Variants in CNTNAP2 observed in about 807,000 individuals in gnomAD.
CNTNAP2 encodes the protein contactin-associated protein-like 2.
Under a neutral mutation model 155.2 loss-of-function variants are expected in CNTNAP2, and 98 were observed. The ratio of observed to expected loss-of-function variants is 0.63; its 90% CI spans 0.54 to 0.75. The LOEUF (loss-of-function observed/expected upper bound fraction) is 0.75, where lower values mean the gene tolerates loss of function less well. CNTNAP2 is among the 30% of genes least tolerant of loss of function. The pLI is 0.00. For synonymous variants in CNTNAP2, 651 were observed against 631.2 expected, an observed-to-expected ratio of 1.03 and a Z score of -0.47; for missense variants, 1,727 against 1,688.1, an observed-to-expected ratio of 1.02 and a Z score of -0.40.
intron 1 of CNTNAP2, among the ~76,000 whole-genome samples, chr7:146,216,973 CCA>C (rs1182745945): frequency 3.9e-5 from 6 of 152,180 alleles, no homozygotes; most frequent in Admixed American, 2.6e-4. Flanking sequence ...TTATGCGCTT[CCA>C]CAGTTTTGAT....
intron 13 of CNTNAP2, among the ~76,000 whole-genome samples, chr7:147,701,545 A>G (rs746690340): frequency 6.6e-6 from 1 of 152,190 alleles, no homozygotes; most frequent in Non-Finnish European, 1.5e-5. Context: ...TACTGTGAAG[A>G]TCAGGCGAGA....
rs531893318 is a variant in CNTNAP2, at chr7:147,509,813, C to T, written c.1777+23772C>T. On this transcript the variant is annotated intron_variant, in intron 11 of 23. Coordinates refer to ENST00000361727, the MANE Select transcript of CNTNAP2 (RefSeq NM_014141.6). ...GGAATGTGCTCAGAGGTTTTCTCTG[C>T]AGATTGTTTCATCTGGCAGTTAATT... is the stretch of plus-strand genomic sequence containing the variant. Among the ~76,000 whole-genome samples the T allele has an allele frequency of 3.3e-5, 5 of 152,122 alleles. No homozygotes were observed. The South Asian group carries it at 1.0e-3, about 32-fold the overall frequency.
At chr7:147,098,840 C>T (rs1472284642) in intron 4 of CNTNAP2, among the ~76,000 whole-genome samples, 1 of 152,170 alleles carries the variant, frequency 6.6e-6, no homozygotes, top group East Asian at 1.9e-4. Context: ...AACCAGCCAG[C>T]ATCACACATT....
At chr7:146,302,622 G>A (rs950884442) in intron 1 of CNTNAP2, among the ~76,000 whole-genome samples, 2 of 152,092 alleles carry the variant, frequency 1.3e-5, no homozygotes, top group Non-Finnish European at 2.9e-5. Context: ...GATATGAAAA[G>A]ACAGTTCAAC....
At chr7:146,510,701 T>G (rs1055227314) in intron 1 of CNTNAP2, among the ~76,000 whole-genome samples, 1 of 151,806 alleles carries the variant, frequency 6.6e-6, no homozygotes, top group African/African-American at 2.4e-5. Context: ...CTTCACTTTT[T>G]TGTTTATATT....
At chr7:147,620,772 TAAGA>T in intron 12 of CNTNAP2, among the ~76,000 whole-genome samples, 1 of 151,948 alleles carries the variant, frequency 6.6e-6, no homozygotes, top group Admixed American at 6.6e-5. Context: ...AAGGGAAATC[TAAGA>T]GTTATTGGCC....
At chr7:147,514,953 A>C (rs75382356) in intron 11 of CNTNAP2, among the ~76,000 whole-genome samples, 1 of 152,172 alleles carries the variant, frequency 6.6e-6, no homozygotes, top group Non-Finnish European at 1.5e-5. Flanking sequence ...TAAAATATGC[A>C]TTCTGGTCAT....
At chr7:148,354,394 T>C (rs948423480) in intron 21 of CNTNAP2, among the ~76,000 whole-genome samples, 9 of 152,154 alleles carry the variant, frequency 5.9e-5, no homozygotes, top group South Asian at 2.1e-4. Context: ...TCTAATTCCA[T>C]TGGGATTTGG....
intron 13 of CNTNAP2, among the ~76,000 whole-genome samples, chr7:147,802,195 T>C (rs1261197947): frequency 7.6e-5 from 9 of 117,888 alleles, no homozygotes; most frequent in Non-Finnish European, 1.2e-4. Context: ...GGGGCAGAGG[T>C]GCTCCCCACA....
intron 10 of CNTNAP2, among the ~76,000 whole-genome samples, chr7:147,400,574 T>C (rs867139886): frequency 6.6e-6 from 1 of 152,178 alleles, no homozygotes; most frequent in African/African-American, 2.4e-5. Context: ...GTGGTTTCTG[T>C]TTCAGTCCTA....
At chr7:146,587,033 A>T (rs115445771) in intron 1 of CNTNAP2, among the ~76,000 whole-genome samples, 4 of 148,458 alleles carry the variant, frequency 2.7e-5, no homozygotes, top group East Asian at 2.0e-4. Flanking sequence ...GCATTGTTTT[A>T]TTTTTTTTTT....
chr7:146,351,770 C>T (rs1215815538), intron 1 of CNTNAP2, among the ~76,000 whole-genome samples: 1 of 152,176 alleles, frequency 6.6e-6, no homozygotes, highest in Non-Finnish European at 1.5e-5. Flanking sequence ...TTCTTCTAAA[C>T]TTTATTGCTG....
At chr7:146,405,899 G>T (rs777087300) in intron 1 of CNTNAP2, among the ~76,000 whole-genome samples, 1 of 152,154 alleles carries the variant, frequency 6.6e-6, no homozygotes, top group Admixed American at 6.5e-5. Flanking sequence ...ACCTTCTTTT[G>T]TCACGATGAC....
At chr7:148,322,944 C>CA (rs1449875051) in intron 21 of CNTNAP2, among the ~76,000 whole-genome samples, 1 of 151,978 alleles carries the variant, frequency 6.6e-6, no homozygotes, top group Non-Finnish European at 1.5e-5. Flanking sequence ...GAAATCGCCC[C>CA]AAAAATGTGC....
Position 147,197,543 on chromosome 7 carries a change from T to C in CNTNAP2, c.1348+65034T>C, listed in dbSNP as rs73473023. On this transcript the variant is annotated intron_variant, in intron 8 of 23. Transcript: ENST00000361727. Reference sequence around the variant, plus strand: ...AATATAAATAATAGGAGATCTCTCTTGCCGGAAAAAAGGGGAAGCAATAGG... The same window carrying C: ...AATATAAATAATAGGAGATCTCTCTCGCCGGAAAAAAGGGGAAGCAATAGG... Among the ~76,000 whole-genome samples, 1,338 of 152,160 alleles carry C rather than the reference T, an allele frequency of 8.8e-3. 19 individuals carry two copies. Among genetic ancestry groups the C allele is most frequent in the African/African-American group, 0.031 (1,287 of 41,500 alleles).
chr7:146,537,846 T>C lies in CNTNAP2; in HGVS notation c.98-236425T>C, dbSNP rs941492953. On this transcript the variant is annotated intron_variant, in intron 1 of 23. Transcript: ENST00000361727. ...GGGGGATATTAGCAGCAGATGACAC[T>C]GGGGAGAGAGCAGGCATAGAGGTAG... is the stretch of plus-strand genomic sequence containing the variant. Among the ~76,000 whole-genome samples, 7 of 152,054 alleles carry C rather than the reference T, an allele frequency of 4.6e-5. 1 individual carries two copies. Among genetic ancestry groups the C allele is most frequent in the African/African-American group, 1.7e-4 (7 of 41,490 alleles).
chr7:146,329,243 A>G (rs1216906827), intron 1 of CNTNAP2, among the ~76,000 whole-genome samples: 1 of 152,196 alleles, frequency 6.6e-6, no homozygotes, highest in East Asian at 1.9e-4. Flanking sequence ...CTGATGATTA[A>G]TAACAAGACA....
chr7:147,135,984 G>A (rs1801469744), intron 8 of CNTNAP2, among the ~76,000 whole-genome samples: 1 of 151,026 alleles, frequency 6.6e-6, no homozygotes, highest in South Asian at 2.1e-4. Context: ...ATATTATAAT[G>A]GTAGTAAAAA....
chr7:148,089,761 T>A (rs964244621), intron 15 of CNTNAP2, among the ~76,000 whole-genome samples: 1 of 151,690 alleles, frequency 6.6e-6, no homozygotes, highest in Non-Finnish European at 1.5e-5. Flanking sequence ...TCCAATAACA[T>A]TTTTTACAGC....
Sources: gnomAD v4.1 joint callset for allele counts (sites outside exome capture counted in the v4.1 genomes callset) on GRCh38, gnomAD v4.1.1 for gene constraint, MANE v1.5 for transcripts, NCBI Gene and HGNC (gene_info 2026-07-23, HGNC 2026-07-21) for gene names.